The following GOLPH3L variants were observed in gnomAD, a reference collection of about 807,000 sequenced individuals.
The protein encoded by GOLPH3L is Golgi phosphoprotein 3-like.
GOLPH3L carries 22 observed loss-of-function variants against 30.3 expected under a neutral mutation model. The observed-to-expected ratio is 0.73, with a 90% CI of 0.52 to 1.04. GOLPH3L has a LOEUF of 1.04. Ranked by LOEUF, GOLPH3L falls within the 50% of genes least tolerant of loss-of-function variation. GOLPH3L has a pLI of 0.00. For synonymous variants in GOLPH3L, 120 were observed against 128.2 expected (o/e 0.94, Z 0.43); for missense variants, 303 against 345.8 (o/e 0.88, Z 0.98).
chr1:150,695,660 G>A (rs763251338), intron 1 of GOLPH3L, among the ~76,000 whole-genome samples: 12 of 152,054 alleles, frequency 7.9e-5, no homozygotes, highest in Non-Finnish European at 7.4e-5. Context: ...AAAAGAATAC[G>A]AAAAACTAAA....
chr1:150,692,362 A>T (rs761844816), intron 2 of GOLPH3L, among the ~76,000 whole-genome samples: 10 of 152,146 alleles, frequency 6.6e-5, no homozygotes, highest in Non-Finnish European at 1.5e-4. Context: ...AAATTAGAGC[A>T]ATTCAAAAGG....
intron 4 of GOLPH3L, among the ~76,000 whole-genome samples, chr1:150,661,433 A>C (rs991624984): frequency 6.6e-6 from 1 of 152,246 alleles, no homozygotes; most frequent in Non-Finnish European, 1.5e-5. Flanking sequence ...AGATTCATCA[A>C]CTGATGACTG....
chr1:150,672,467 A>G (rs760871512), intron 2 of GOLPH3L, among the ~76,000 whole-genome samples: 64 of 152,132 alleles, frequency 4.2e-4, no homozygotes, highest in Non-Finnish European at 8.1e-4. Flanking sequence ...GTCTCAATCT[A>G]TCGCCCAGGC....
In GOLPH3L at chr1:150,648,645, C is replaced by T; in HGVS notation, c.534G>A (p.Gln178=). ...TAGTCATGTCAAATAGCAGGAAATT[C>T]TGCTTCTCAGTGGTTAGAATACCTT... The part of the protein sequence containing the change: ...VEKGILTTEK[Q]NFLLFDMTTH... The change falls in exon 5 of 5, where the codon CAG becomes CAA. Residue 178 remains glutamine (Q), a synonymous_variant. Transcript: ENST00000271732. 1 of 1,613,480 alleles carries T rather than the reference C, an allele frequency of 6.2e-7. No individual in the cohort carries two copies. Among genetic ancestry groups the T allele is most frequent in the South Asian group, 1.1e-5 (1 of 91,064 alleles).
chr1:150,694,624 T>C, intron 2 of GOLPH3L, 32 bp downstream of exon 2: 1 of 1,372,806 alleles, frequency 7.3e-7, no homozygotes, highest in Non-Finnish European at 1.0e-6. Flanking sequence ...TTAATAGTCT[T>C]TGAGATAGCC....
intron 3 of GOLPH3L, 67 bp downstream of exon 3, chr1:150,663,565 T>A: frequency 7.1e-7 from 1 of 1,413,946 alleles, no homozygotes; most frequent in Non-Finnish European, 9.7e-7. Context: ...ATCTTTCTAT[T>A]CTTCCCAAAT....
intron 3 of GOLPH3L, among the ~76,000 whole-genome samples, chr1:150,662,324 C>A (rs944521094): frequency 5.3e-5 from 8 of 151,036 alleles, no homozygotes; most frequent in African/African-American, 1.5e-4. Context: ...CCAGCCTGGG[C>A]AAAATGGCAA....
chr1:150,695,616 T>C lies in GOLPH3L; in HGVS notation c.-12-766A>G, dbSNP rs587686367. Among the ~76,000 whole-genome samples the C allele has an allele frequency of 4.6e-5, 7 of 152,250 alleles. No individual in the cohort carries two copies. In the South Asian group the frequency reaches 8.3e-4, roughly 18 times the overall value. On this transcript the variant is annotated intron_variant, in intron 1 of 4. Coordinates refer to ENST00000271732, the MANE Select transcript of GOLPH3L (RefSeq NM_018178.6). ...AATTTCTATAAACGTTCCATGGTAC[T>C]ACATTATAAAAAAACACAAAAAATA...
chr1:150,654,811 G>A (rs1650206298), intron 4 of GOLPH3L, among the ~76,000 whole-genome samples: 1 of 152,216 alleles, frequency 6.6e-6, no homozygotes, highest in Non-Finnish European at 1.5e-5. Context: ...TCTGCCTGGG[G>A]AACTCCCGCA....
chr1:150,687,813 G>C (rs1651122271), intron 2 of GOLPH3L, among the ~76,000 whole-genome samples: 1 of 152,088 alleles, frequency 6.6e-6, no homozygotes, highest in South Asian at 2.1e-4. Context: ...AAAGATAACT[G>C]ACAAGTACCA....
chr1:150,648,087 G>C lies in GOLPH3L; in HGVS notation c.*234C>G, dbSNP rs1418316310. 1.1e-5 allele frequency: 5 copies of C among 438,768 alleles called. No homozygotes were observed. Among genetic ancestry groups the C allele is most frequent in the Non-Finnish European group, 1.6e-5 (4 of 248,968 alleles). The allele number at this position is 438,768 out of a possible 1,614,324, so 27.2% of individuals were successfully genotyped here. A position where few individuals can be genotyped will look rare whatever the true frequency, so the allele number is the denominator to read the frequency against. ...ATGGGAGAAAATGTTCATTGGGTGTGTGTGGCTTCACCCAGTTTATTTACC... is the reference window on the plus strand; with the variant it reads ...ATGGGAGAAAATGTTCATTGGGTGTCTGTGGCTTCACCCAGTTTATTTACC... On this transcript the variant is annotated 3_prime_UTR_variant, in exon 5 of 5. Transcript: ENST00000271732.
intron 4 of GOLPH3L, among the ~76,000 whole-genome samples, chr1:150,650,694 C>G (rs1049254710): frequency 6.6e-6 from 1 of 152,178 alleles, no homozygotes; most frequent in African/African-American, 2.4e-5. Context: ...ACCATCCCCC[C>G]GTCTCCCACC....
chr1:150,648,391 T>G lies in GOLPH3L; in HGVS notation c.788A>C (p.Glu263Ala), dbSNP rs1650029909. The G allele has an allele frequency of 6.2e-7, 1 of 1,613,912 alleles. No homozygotes were observed. The stretch of plus-strand genomic sequence containing the variant: ...GGCACTAGGCTTTGTCCCTTCCACT[T>G]CAGGGTCCAGTTCTACTAAGTCCTT... ...RAKDLVELDP[E>A]VEGTKPSATE... The change falls in exon 5 of 5, where the codon GAA (glutamate) becomes GCA (alanine). Residue 263 changes from glutamate (E) to alanine (A), a missense_variant. Transcript: ENST00000271732.
In GOLPH3L at chr1:150,648,546, C is replaced by T. The variant is rs1281723992; in HGVS notation, c.633G>A (p.Trp211Ter). Reference protein sequence around the residue: ...KKLQDSVLERWVNDPQRMDKR... With the variant: ...KKLQDSVLER ...TGTCCATACGCTGAGGGTCATTTAC[C>T]CACCGCTCTAGTACACTATCTTGAA... The change falls in exon 5 of 5, where the codon TGG becomes TGA. Residue 211 changes from tryptophan (W) to a stop codon, truncating the protein, a stop_gained. Transcript: ENST00000271732. LOFTEE classifies it high-confidence loss of function. 2.5e-6 allele frequency: 4 copies of T among 1,613,906 alleles called. No homozygotes were observed. The highest frequency in any genetic ancestry group is 3.4e-6 in the Non-Finnish European group (4 of 1,179,808).
intron 4 of GOLPH3L, among the ~76,000 whole-genome samples, chr1:150,661,514 G>T (rs982156362): frequency 4.6e-5 from 7 of 152,108 alleles, no homozygotes; most frequent in African/African-American, 7.2e-5. Context: ...ATTCTAATAA[G>T]AATAATAGAC....
intron 2 of GOLPH3L, among the ~76,000 whole-genome samples, chr1:150,678,284 C>CAAAAAAAAAAA (rs75131824): frequency 3.9e-4 from 18 of 45,928 alleles, no homozygotes; most frequent in South Asian, 1.5e-3. Context: ...AACTCCGTCT[C>CAAAAAAAAAAA]AAAAAAAAAA....
chr1:150,692,659 T>C (rs1465243309), intron 2 of GOLPH3L, among the ~76,000 whole-genome samples: 1 of 152,230 alleles, frequency 6.6e-6, no homozygotes, highest in Admixed American at 6.5e-5. Context: ...TCCCAAGTGT[T>C]AGGATTACAG....
In GOLPH3L at chr1:150,681,091, C is replaced by T. The variant is rs1650936999; in HGVS notation, c.183+13565G>A. ...GAAGGTGAATGTAGTGAGCTGAGAT[C>T]GCACCACTGCACTCCAGTCTGGGTG... On this transcript the variant is annotated intron_variant, in intron 2 of 4. Coordinates refer to ENST00000271732, the MANE Select transcript of GOLPH3L (RefSeq NM_018178.6). Among the ~76,000 whole-genome samples, 4 of 152,034 alleles carry T rather than the reference C, an allele frequency of 2.6e-5. No individual in the cohort carries two copies. The South Asian group carries it at 8.3e-4, about 32-fold the overall frequency.
intron 2 of GOLPH3L, among the ~76,000 whole-genome samples, chr1:150,683,997 G>C (rs1651026200): frequency 6.6e-6 from 1 of 152,090 alleles, no homozygotes; most frequent in South Asian, 2.1e-4. Flanking sequence ...AGGGCTTTTA[G>C]AAGAGGTGAT....
Sources: gnomAD v4.1 joint callset for allele counts (sites outside exome capture counted in the v4.1 genomes callset) on GRCh38, gnomAD v4.1.1 for gene constraint, MANE v1.5 for transcripts, NCBI Gene and HGNC (gene_info 2026-07-23, HGNC 2026-07-21) for gene names.